Variants in ATP2B2 observed in about 807,000 individuals in gnomAD.
ATP2B2 encodes the protein plasma membrane calcium-transporting ATPase 2.
A neutral mutation model predicts 120.0 loss-of-function variants in ATP2B2; 15 were observed. The observed-to-expected ratio is 0.12, with a 90% CI of 0.08 to 0.19. The LOEUF (loss-of-function observed/expected upper bound fraction) is 0.19, where lower values mean the gene tolerates loss of function less well. Among genes scored for constraint, ATP2B2 ranks in the 10% least tolerant of loss-of-function variants. The pLI is 1.00. For missense variants in ATP2B2, 1,045 were observed against 1,719.8 expected, an observed-to-expected ratio of 0.61 and a Z score of 6.94; for synonymous variants, 694 against 700.3, an observed-to-expected ratio of 0.99 and a Z score of 0.14.
At chr3:10,678,385 C>G (rs925008700) in intron 1 of ATP2B2, among the ~76,000 whole-genome samples, 5 of 152,168 alleles carry the variant, frequency 3.3e-5, no homozygotes, top group African/African-American at 1.2e-4. Context: ...CCCGGCACTT[C>G]CCAGGGGTGG....
At chr3:10,451,982 C>T (rs534904231) in intron 1 of ATP2B2, among the ~76,000 whole-genome samples, 1 of 152,354 alleles carries the variant, frequency 6.6e-6, no homozygotes, top group East Asian at 1.9e-4. Flanking sequence ...ACCAGAAAAG[C>T]ACTTGGCTCC....
chr3:10,382,701 A>G (rs1163831251), intron 8 of ATP2B2, among the ~76,000 whole-genome samples: 1 of 152,134 alleles, frequency 6.6e-6, no homozygotes, highest in African/African-American at 2.4e-5. Context: ...ATTACAGGTC[A>G]TGTATTACAT....
intron 8 of ATP2B2, among the ~76,000 whole-genome samples, chr3:10,383,864 C>T (rs1330038811): frequency 2.0e-5 from 3 of 152,184 alleles, no homozygotes; most frequent in Non-Finnish European, 4.4e-5. Context: ...TTTTCTGAGA[C>T]TGGCCAGCCT....
intron 2 of ATP2B2, among the ~76,000 whole-genome samples, chr3:10,433,068 T>C (rs1452504595): frequency 6.6e-6 from 1 of 152,120 alleles, no homozygotes; most frequent in Non-Finnish European, 1.5e-5. Context: ...GCTGTCTTGG[T>C]TCAGGAATCC....
chr3:10,363,827 C>CA (rs1412902574), intron 12 of ATP2B2, among the ~76,000 whole-genome samples: 1 of 152,086 alleles, frequency 6.6e-6, no homozygotes, highest in African/African-American at 2.4e-5. Flanking sequence ...GGTAGTTCCT[C>CA]AAAAAATTAA....
intron 8 of ATP2B2, among the ~76,000 whole-genome samples, chr3:10,383,920 G>C (rs764360992): frequency 4.5e-4 from 69 of 152,128 alleles, no homozygotes; most frequent in Non-Finnish European, 9.0e-4. Flanking sequence ...TCACTGCCGG[G>C]GTGAAGTGGG....
chr3:10,507,242 C>T (rs1008675741), upstream of ATP2B2, among the ~76,000 whole-genome samples: 1 of 152,178 alleles, frequency 6.6e-6, no homozygotes, highest in Non-Finnish European at 1.5e-5. Flanking sequence ...GGGAGGCTCT[C>T]GACCCCACAC....
chr3:10,407,133 G>T (rs992667079), intron 3 of ATP2B2, among the ~76,000 whole-genome samples: 2 of 152,170 alleles, frequency 1.3e-5, no homozygotes, highest in Non-Finnish European at 2.9e-5. Flanking sequence ...ACAACTCTGG[G>T]TGAGTCCCCA....
intron 2 of ATP2B2, 46 bp downstream of exon 2, chr3:10,449,299 G>C: frequency 6.2e-7 from 1 of 1,602,270 alleles, no homozygotes; most frequent in Non-Finnish European, 8.5e-7. Context: ...AATTCAGATG[G>C]TGGCCACCTA....
intron 1 of ATP2B2, among the ~76,000 whole-genome samples, chr3:10,642,823 C>G (rs909186296): frequency 9.2e-5 from 14 of 152,120 alleles, no homozygotes; most frequent in Non-Finnish European, 1.6e-4. Flanking sequence ...GGAAGTAGCT[C>G]TGGCCCCCCA....
chr3:10,409,900 C>A (rs1232381408), intron 3 of ATP2B2, among the ~76,000 whole-genome samples: 2 of 152,142 alleles, frequency 1.3e-5, no homozygotes. Flanking sequence ...TTTACAATAT[C>A]CTACTGACTG....
intron 1 of ATP2B2, among the ~76,000 whole-genome samples, chr3:10,672,953 G>A (rs1170548653): frequency 6.6e-6 from 1 of 152,180 alleles, no homozygotes; most frequent in African/African-American, 2.4e-5. Flanking sequence ...AACACCCGCT[G>A]TGACACCCAG....
intron 2 of ATP2B2, among the ~76,000 whole-genome samples, chr3:10,587,738 T>G (rs567388417): frequency 3.3e-3 from 437 of 130,528 alleles, no homozygotes; most frequent in African/African-American, 0.013. Context: ...AAGCAAGTGT[T>G]TCTGGTTTTT....
chr3:10,692,491 G>A (rs776940224), intron 1 of ATP2B2, among the ~76,000 whole-genome samples: 5 of 152,206 alleles, frequency 3.3e-5, no homozygotes, highest in East Asian at 1.9e-4. Context: ...TACTGGATGC[G>A]CACGTTCTGG....
chr3:10,362,273 G>GA (rs1245248408), intron 12 of ATP2B2, among the ~76,000 whole-genome samples: 2 of 152,228 alleles, frequency 1.3e-5, no homozygotes, highest in Admixed American at 1.3e-4. Flanking sequence ...GACTCAGGAA[G>GA]ATGTCAGCAT....
chr3:10,648,642 G>T (rs547896439), intron 1 of ATP2B2, among the ~76,000 whole-genome samples: 3 of 152,196 alleles, frequency 2.0e-5, no homozygotes, highest in South Asian at 4.1e-4. Flanking sequence ...CCCCAAACCT[G>T]GTCCTGGGTT....
chr3:10,425,289 G>C (rs2063112151), intron 2 of ATP2B2, among the ~76,000 whole-genome samples: 1 of 151,904 alleles, frequency 6.6e-6, no homozygotes, highest in South Asian at 2.1e-4. Flanking sequence ...CAGCATGGGT[G>C]ACAGAGCGAG....
At chr3:10,345,862 C>A (rs947736387) in intron 17 of ATP2B2, among the ~76,000 whole-genome samples, 169 bp downstream of exon 17, 1 of 152,202 alleles carries the variant, frequency 6.6e-6, no homozygotes, top group Non-Finnish European at 1.5e-5. Flanking sequence ...CATCCTATGC[C>A]TTTCCAGGAA....
At chr3:10,603,115 T>A (rs1315113041) in intron 2 of ATP2B2, among the ~76,000 whole-genome samples, 2 of 152,338 alleles carry the variant, frequency 1.3e-5, no homozygotes, top group African/African-American at 2.4e-5. Context: ...AGACCCCGCA[T>A]CCAGCCCTGG....
Sources: gnomAD v4.1 joint callset for allele counts (sites outside exome capture counted in the v4.1 genomes callset) on GRCh38, gnomAD v4.1.1 for gene constraint, MANE v1.5 for transcripts, NCBI Gene and HGNC (gene_info 2026-07-23, HGNC 2026-07-21) for gene names.